RANBP2: variants seen among roughly 807,000 people sequenced by gnomAD.
The protein encoded by RANBP2 is RAN binding protein 2.
Under a neutral mutation model 303.6 loss-of-function variants are expected in RANBP2, and 57 were observed. The ratio of observed to expected loss-of-function variants is 0.19; its 90% CI spans 0.15 to 0.23. The LOEUF (loss-of-function observed/expected upper bound fraction) is 0.23. Among genes scored for constraint, RANBP2 ranks in the 10% least tolerant of loss-of-function variants. RANBP2 has a pLI of 1.00. For synonymous variants in RANBP2, 1,167 were observed against 1,301.5 expected (o/e 0.90, Z 2.23); for missense variants, 3,138 against 3,780.8 (o/e 0.83, Z 4.46).
At chr2:109,139,768 T>C in the RANBP2 span, among the ~76,000 whole-genome samples, 1 of 152,246 alleles carries the variant, frequency 6.6e-6, no homozygotes, top group East Asian at 1.9e-4. Context: ...CAGCAGCCCA[T>C]TGAACAATGG....
intron 26 of RANBP2, 86 bp from the exon 27 acceptor site, chr2:108,782,042 T>A: frequency 1.4e-6 from 2 of 1,473,222 alleles, no homozygotes; most frequent in Non-Finnish European, 1.9e-6. Context: ...ACAAAGAAAA[T>A]GCCTTAAAAG....
At chr2:109,345,797 G>T in the RANBP2 span, among the ~76,000 whole-genome samples, 14 of 152,172 alleles carry the variant, frequency 9.2e-5, no homozygotes, top group Admixed American at 9.2e-4. Flanking sequence ...GCTGGGCCAG[G>T]GTTTCTTAAC....
the RANBP2 span, among the ~76,000 whole-genome samples, chr2:108,847,782 G>A: frequency 6.6e-6 from 1 of 152,028 alleles, no homozygotes; most frequent in South Asian, 2.1e-4. Flanking sequence ...TTCTTTCTTT[G>A]AAGTATGTTT....
At chr2:109,051,362 A>T in the RANBP2 span, among the ~76,000 whole-genome samples, 2 of 152,102 alleles carry the variant, frequency 1.3e-5, no homozygotes, top group African/African-American at 2.4e-5. Flanking sequence ...CCCCTGCCCC[A>T]TGGTCCCAAA....
At chr2:109,364,282 A>G in the RANBP2 span, among the ~76,000 whole-genome samples, 6 of 152,198 alleles carry the variant, frequency 3.9e-5, no homozygotes, top group African/African-American at 1.2e-4. Context: ...AGCACGTCGA[A>G]GGCATTCTTC....
the RANBP2 span, among the ~76,000 whole-genome samples, chr2:109,256,643 A>G: frequency 6.6e-6 from 1 of 152,134 alleles, no homozygotes; most frequent in Non-Finnish European, 1.5e-5. Context: ...AATTTTTATT[A>G]CTTTTTCCCT....
the RANBP2 span, among the ~76,000 whole-genome samples, chr2:109,137,277 G>A: frequency 6.6e-6 from 1 of 152,160 alleles, no homozygotes; most frequent in African/African-American, 2.4e-5. Context: ...CCAAATGAAG[G>A]CTTTGCACTT....
At chr2:109,254,926 A>G in the RANBP2 span, among the ~76,000 whole-genome samples, 1 of 152,170 alleles carries the variant, frequency 6.6e-6, no homozygotes, top group African/African-American at 2.4e-5. Flanking sequence ...TGGTCTCAAA[A>G]GCTAGAAAAA....
At chr2:109,542,012 T>C in the RANBP2 span, among the ~76,000 whole-genome samples, 10 of 152,222 alleles carry the variant, frequency 6.6e-5, no homozygotes, top group Non-Finnish European at 1.0e-4. Context: ...CTAGTCTATG[T>C]GAAAGGGCTT....
the RANBP2 span, among the ~76,000 whole-genome samples, chr2:108,850,567 T>A: frequency 6.6e-6 from 1 of 152,166 alleles, no homozygotes; most frequent in Admixed American, 6.5e-5. Flanking sequence ...TTCTCCTGCC[T>A]CAGCCTCCTG....
At chr2:108,819,451 T>C in the RANBP2 span, among the ~76,000 whole-genome samples, 1 of 152,146 alleles carries the variant, frequency 6.6e-6, no homozygotes, top group African/African-American at 2.4e-5. Context: ...AATGGTAGCA[T>C]AGTTTGGAAG....
the RANBP2 span, among the ~76,000 whole-genome samples, chr2:109,373,173 G>A: frequency 6.6e-6 from 1 of 152,202 alleles, no homozygotes; most frequent in African/African-American, 2.4e-5. Context: ...CACTTCGCAA[G>A]TTTCCATGTA....
At chr2:109,157,864 A>G in the RANBP2 span, among the ~76,000 whole-genome samples, 2 of 151,956 alleles carry the variant, frequency 1.3e-5, no homozygotes, top group African/African-American at 4.8e-5. Context: ...AAGGCCACAC[A>G]GCTCTCCTAG....
the RANBP2 span, among the ~76,000 whole-genome samples, chr2:109,466,949 A>G: frequency 1.4e-5 from 2 of 140,294 alleles, no homozygotes; most frequent in African/African-American, 5.9e-5. Flanking sequence ...GTGTGTCTAT[A>G]TATCTGTGTG....
At chr2:109,422,926 A>AG in the RANBP2 span, among the ~76,000 whole-genome samples, 8 of 152,070 alleles carry the variant, frequency 5.3e-5, no homozygotes, top group Admixed American at 2.6e-4. Flanking sequence ...GAGGTGGAGG[A>AG]GGAGGACGAA....
chr2:109,162,388 A>G, the RANBP2 span, among the ~76,000 whole-genome samples: 1 of 151,512 alleles, frequency 6.6e-6, no homozygotes, highest in East Asian at 1.9e-4. Context: ...GGGCTCCTCA[A>G]CCTTTTTTAA....
chr2:109,413,818 C>G, the RANBP2 span, among the ~76,000 whole-genome samples: 1 of 152,170 alleles, frequency 6.6e-6, no homozygotes, highest in South Asian at 2.1e-4. Context: ...GTCCACTGGC[C>G]CAAGCCAGGA....
chr2:108,967,704 C>T, the RANBP2 span, among the ~76,000 whole-genome samples: 17 of 152,088 alleles, frequency 1.1e-4, no homozygotes, highest in Non-Finnish European at 2.4e-4. Flanking sequence ...AATTTCTTTT[C>T]CCCTTATCCC....
the RANBP2 span, among the ~76,000 whole-genome samples, chr2:109,663,237 A>G: frequency 6.6e-6 from 1 of 152,168 alleles, no homozygotes; most frequent in African/African-American, 2.4e-5. Context: ...TTCATCCTCA[A>G]AGACCTTTTT....
Sources: gnomAD v4.1 joint callset for allele counts (sites outside exome capture counted in the v4.1 genomes callset) on GRCh38, gnomAD v4.1.1 for gene constraint, MANE v1.5 for transcripts, NCBI Gene and HGNC (gene_info 2026-07-23, HGNC 2026-07-21) for gene names.